CTNNA3: variants seen among roughly 807,000 people sequenced by gnomAD.
CTNNA3 encodes catenin alpha-3.
In CTNNA3, 76 loss-of-function variants were observed where a neutral mutation model predicts 95.7. That is an observed-to-expected ratio of 0.79 (90% CI 0.66 to 0.96). CTNNA3 has a LOEUF of 0.96. Ranked by LOEUF, CTNNA3 falls within the 40% of genes least tolerant of loss-of-function variation. The pLI is 0.00. For missense variants in CTNNA3, 1,191 were observed against 1,089.8 expected, an observed-to-expected ratio of 1.09 and a Z score of -1.31; for synonymous variants, 431 against 374.4, an observed-to-expected ratio of 1.15 and a Z score of -1.74.
At chr10:67,017,728 TG>T (rs1299756606) in intron 7 of CTNNA3, among the ~76,000 whole-genome samples, 2 of 97,808 alleles carry the variant, frequency 2.0e-5, no homozygotes, top group African/African-American at 9.3e-5. Context: ...AAATCATCTG[TG>T]TGTGTGTGTG....
chr10:67,735,837 T>C (rs1273128302), intron 1 of CTNNA3, among the ~76,000 whole-genome samples: 2 of 152,166 alleles, frequency 1.3e-5, no homozygotes, highest in African/African-American at 4.8e-5. Flanking sequence ...TGAAAACAGA[T>C]GTTCAAAGAT....
chr10:66,349,432 G>A (rs1485561839), intron 12 of CTNNA3, among the ~76,000 whole-genome samples: 1 of 152,052 alleles, frequency 6.6e-6, no homozygotes, highest in Non-Finnish European at 1.5e-5. Context: ...ACCCACATGT[G>A]AGTATTGTTT....
chr10:67,447,906 T>C (rs1306081539), intron 5 of CTNNA3, among the ~76,000 whole-genome samples: 4 of 152,208 alleles, frequency 2.6e-5, no homozygotes, highest in Admixed American at 1.3e-4. Flanking sequence ...GTTCAATGAA[T>C]AAATTATTGT....
chr10:67,102,052 C>T (rs1027131783), intron 7 of CTNNA3, among the ~76,000 whole-genome samples: 1 of 151,730 alleles, frequency 6.6e-6, no homozygotes, highest in Non-Finnish European at 1.5e-5. Context: ...ATTGGCACAG[C>T]TCTTAACAGT....
At chr10:66,091,529 T>C (rs1437362431) in intron 14 of CTNNA3, among the ~76,000 whole-genome samples, 1 of 151,598 alleles carries the variant, frequency 6.6e-6, no homozygotes, top group East Asian at 1.9e-4. Context: ...GAATACATCA[T>C]GGGAAAAAAA....
chr10:66,971,457 A>G (rs1219947887), intron 7 of CTNNA3, among the ~76,000 whole-genome samples: 4 of 152,048 alleles, frequency 2.6e-5, no homozygotes, highest in Non-Finnish European at 5.9e-5. Flanking sequence ...ACATACATAA[A>G]CAGTGTTAGA....
intron 4 of CTNNA3, among the ~76,000 whole-genome samples, chr10:67,533,710 A>G (rs1420886077): frequency 6.6e-6 from 1 of 152,122 alleles, no homozygotes; most frequent in South Asian, 2.1e-4. Context: ...TGTTTACACT[A>G]GTTGGTGGTC....
At chr10:66,864,455 C>T (rs780991167) in intron 7 of CTNNA3, among the ~76,000 whole-genome samples, 3 of 152,084 alleles carry the variant, frequency 2.0e-5, no homozygotes, top group Admixed American at 6.6e-5. Context: ...TTCTCCCATC[C>T]TCCAGAACTA....
At chr10:67,265,914 A>G (rs1866805291) in intron 5 of CTNNA3, among the ~76,000 whole-genome samples, 1 of 152,038 alleles carries the variant, frequency 6.6e-6, no homozygotes, top group South Asian at 2.1e-4. Flanking sequence ...AGGTCCTAAC[A>G]CCCCGGAGAT....
intron 13 of CTNNA3, among the ~76,000 whole-genome samples, chr10:66,195,216 A>T (rs890211770): frequency 5.3e-5 from 8 of 151,952 alleles, no homozygotes; most frequent in East Asian, 1.9e-4. Flanking sequence ...TTTTTTGTTT[A>T]AAAAAAGATG....
At chr10:67,574,826 C>T (rs899013557) in intron 3 of CTNNA3, among the ~76,000 whole-genome samples, 6 of 152,108 alleles carry the variant, frequency 3.9e-5, no homozygotes, top group Non-Finnish European at 7.4e-5. Flanking sequence ...GGTGATCCAC[C>T]TGCCTCGGCC....
At chr10:66,930,594 A>G (rs1006913080) in intron 7 of CTNNA3, among the ~76,000 whole-genome samples, 1 of 152,180 alleles carries the variant, frequency 6.6e-6, no homozygotes, top group Non-Finnish European at 1.5e-5. Flanking sequence ...GATACCAAAT[A>G]TATTTAGGCA....
chr10:66,049,314 AG>A (rs1361225777), intron 15 of CTNNA3, among the ~76,000 whole-genome samples: 1 of 152,216 alleles, frequency 6.6e-6, no homozygotes, highest in Non-Finnish European at 1.5e-5. Flanking sequence ...TGCAGAAAAA[AG>A]GGAACACTTA....
intron 7 of CTNNA3, among the ~76,000 whole-genome samples, chr10:67,047,164 C>G (rs977971909): frequency 6.6e-6 from 1 of 152,134 alleles, no homozygotes; most frequent in African/African-American, 2.4e-5. Context: ...ATCTCTAGTA[C>G]AATGCTTCAA....
At chr10:67,661,721 A>G (rs1055596084) in intron 1 of CTNNA3, among the ~76,000 whole-genome samples, 1 of 152,210 alleles carries the variant, frequency 6.6e-6, no homozygotes, top group Non-Finnish European at 1.5e-5. Context: ...AATGGGCAAA[A>G]AAAAAATTGA....
intron 17 of CTNNA3, among the ~76,000 whole-genome samples, chr10:65,924,523 C>T (rs561415978): frequency 5.9e-5 from 9 of 152,270 alleles, no homozygotes; most frequent in African/African-American, 2.2e-4. Flanking sequence ...GATATTTCCA[C>T]GTACCTATAA....
At chr10:66,161,308 T>C (rs1209192959) in intron 13 of CTNNA3, among the ~76,000 whole-genome samples, 5 of 152,196 alleles carry the variant, frequency 3.3e-5, no homozygotes, top group African/African-American at 7.2e-5. Context: ...TGATTTATGG[T>C]TTAAAGAGGT....
intron 15 of CTNNA3, among the ~76,000 whole-genome samples, chr10:66,043,245 C>T (rs989566982): frequency 4.1e-5 from 6 of 146,936 alleles, no homozygotes; most frequent in Non-Finnish European, 7.6e-5. Context: ...GGGAAAAACA[C>T]GAAAAAGAAA....
intron 13 of CTNNA3, among the ~76,000 whole-genome samples, chr10:66,225,730 C>T (rs2089248742): frequency 6.6e-6 from 1 of 151,716 alleles, no homozygotes; most frequent in African/African-American, 2.4e-5. Context: ...TCCACATCCT[C>T]ACCAACATTT....
Sources: allele counts gnomAD v4.1 joint callset (sites outside exome capture counted in the v4.1 genomes callset), GRCh38; gene constraint gnomAD v4.1.1; transcripts MANE v1.5; gene names NCBI Gene and HGNC (gene_info 2026-07-23, HGNC 2026-07-21).